Variants in NAA11 observed in about 807,000 individuals in gnomAD.
NAA11 encodes N-alpha-acetyltransferase 11.
NAA11 carries 15 observed loss-of-function variants against 16.1 expected under a neutral mutation model. That is an observed-to-expected ratio of 0.93 (90% confidence interval 0.62 to 1.44). The LOEUF (loss-of-function observed/expected upper bound fraction) is 1.44, where lower values mean the gene tolerates loss of function less well. Ranked by LOEUF, NAA11 falls within the 40% of genes most tolerant of loss-of-function variation. The probability of loss-of-function intolerance (pLI) is 0.00; values close to 1 mark genes in which losing one functional copy is unlikely to be tolerated. For missense variants in NAA11, 298 were observed against 291.3 expected (o/e 1.02, Z -0.17); for synonymous variants, 122 against 112.4 (o/e 1.09, Z -0.54).
chr4:79,272,085 T>A (rs1030224060), intron 2 of NAA11, among the ~76,000 whole-genome samples: 2 of 151,694 alleles, frequency 1.3e-5, no homozygotes, highest in African/African-American at 4.8e-5. Context: ...CACACACATA[T>A]ATTATATGTG....
intron 1 of NAA11, among the ~76,000 whole-genome samples, chr4:79,305,913 TA>T (rs1252549267): frequency 1.3e-5 from 2 of 152,218 alleles, no homozygotes; most frequent in East Asian, 3.8e-4. Context: ...CTATCCTACT[TA>T]CATGTCTACT....
chr4:79,240,929 C>T (rs376946088), intron 2 of NAA11, among the ~76,000 whole-genome samples: 7 of 152,098 alleles, frequency 4.6e-5, no homozygotes, highest in Non-Finnish European at 8.8e-5. Context: ...TCAGACACTT[C>T]GGGAATGAAC....
chr4:79,200,813 T>C, the NAA11 span, among the ~76,000 whole-genome samples: 1 of 151,804 alleles, frequency 6.6e-6, no homozygotes. Context: ...GGGCTTTTCA[T>C]TGATGTAGAT....
the NAA11 span, among the ~76,000 whole-genome samples, chr4:79,178,791 A>G: frequency 1.3e-5 from 2 of 152,180 alleles, no homozygotes; most frequent in Non-Finnish European, 2.9e-5. Context: ...ATATACAGGA[A>G]GATCATGAAA....
At chr4:79,192,113 T>C in the NAA11 span, among the ~76,000 whole-genome samples, 1 of 152,196 alleles carries the variant, frequency 6.6e-6, no homozygotes. Context: ...AGTTGAGTAA[T>C]GTGATGCCTC....
At chr4:79,156,792 G>A in the NAA11 span, among the ~76,000 whole-genome samples, 2 of 152,330 alleles carry the variant, frequency 1.3e-5, no homozygotes, top group East Asian at 3.9e-4. Flanking sequence ...TGAGCTTCTG[G>A]TAATTGAGCT....
the NAA11 span, among the ~76,000 whole-genome samples, chr4:79,177,419 A>G: frequency 3.3e-5 from 5 of 151,188 alleles, no homozygotes; most frequent in Non-Finnish European, 5.9e-5. Flanking sequence ...AAAAAAAACC[A>G]TAAACATGGA....
At chr4:79,180,638 T>G in the NAA11 span, among the ~76,000 whole-genome samples, 1 of 152,226 alleles carries the variant, frequency 6.6e-6, no homozygotes, top group Non-Finnish European at 1.5e-5. Flanking sequence ...GGTGGGACTG[T>G]AAACTAGTTC....
At chr4:79,183,684 G>T in the NAA11 span, among the ~76,000 whole-genome samples, 4 of 151,092 alleles carry the variant, frequency 2.6e-5, no homozygotes, top group Non-Finnish European at 5.9e-5. Context: ...CTTTTATTCT[G>T]CCTGTCATCT....
chr4:79,167,272 G>T, the NAA11 span, among the ~76,000 whole-genome samples: 21,827 of 100,534 alleles, frequency 0.22, 2,277 homozygotes, highest in African/African-American at 0.39. Context: ...TATATATATA[G>T]AGAGAGAGAG....
chr4:79,238,600 G>A (rs1371930801), intron 2 of NAA11, among the ~76,000 whole-genome samples: 1 of 152,134 alleles, frequency 6.6e-6, no homozygotes, highest in Admixed American at 6.5e-5. Context: ...TGTTAATAAT[G>A]CTTTCTTGGG....
In NAA11 at chr4:79,300,530, G is replaced by T. The variant is rs927735207; in HGVS notation, c.*13-6416C>A. 8.5e-5 allele frequency among the ~76,000 whole-genome samples: 13 copies of T among 152,096 alleles called. No individual in the cohort carries two copies. In the South Asian group the frequency reaches 2.7e-3, roughly 32 times the overall value. Reference sequence around the variant, plus strand: ...TTGATAAATGTCCACCATATGTTTGGAATTTTGCTAAGAACTATACAGGGC... The same window carrying T: ...TTGATAAATGTCCACCATATGTTTGTAATTTTGCTAAGAACTATACAGGGC... On this transcript the variant is annotated intron_variant and NMD_transcript_variant, in intron 1 of 2. Transcript: ENST00000511542.
At position 79,247,012 on chromosome 4, in the gene NAA11, T is replaced by C. The variant is rs534262679; in HGVS notation, c.*123-20742A>G. On this transcript the variant is annotated intron_variant and NMD_transcript_variant, in intron 2 of 2. Transcript: ENST00000511542. ...CAAGGGCTGGAGGAAGCTGGAGTTG[T>C]AAGTCAAGTCAGGAATGTGAGTGAG... Among the ~76,000 whole-genome samples, 5 of 152,270 alleles carry C rather than the reference T, an allele frequency of 3.3e-5. 1 individual carries two copies. The South Asian group carries it at 8.3e-4, about 25-fold the overall frequency.
intron 2 of NAA11, chr4:79,227,563 G>A (rs929460169): frequency 2.0e-5 from 3 of 151,950 alleles, no homozygotes; most frequent in Admixed American, 6.6e-5. Context: ...CCAAGGAGAA[G>A]AGGATGTTGC....
intron 2 of NAA11, among the ~76,000 whole-genome samples, chr4:79,265,513 C>T (rs1172014997): frequency 6.6e-6 from 1 of 152,178 alleles, no homozygotes; most frequent in East Asian, 1.9e-4. Flanking sequence ...ATTGCACTTT[C>T]TTTAGCTTAC....
the NAA11 span, among the ~76,000 whole-genome samples, chr4:79,204,033 G>T: frequency 6.6e-6 from 1 of 151,850 alleles, no homozygotes; most frequent in Non-Finnish European, 1.5e-5. Context: ...CAAGAAACTT[G>T]CAGTCTCAAG....
At chr4:79,230,038 A>C (rs1035216752) in intron 2 of NAA11, among the ~76,000 whole-genome samples, 1 of 152,052 alleles carries the variant, frequency 6.6e-6, no homozygotes, top group East Asian at 1.9e-4. Flanking sequence ...AATTTCATCT[A>C]TGTCCCTACA....
At chr4:79,244,609 A>T (rs899057998) in intron 2 of NAA11, 1 of 85,328 alleles carries the variant, frequency 1.2e-5, no homozygotes, top group Non-Finnish European at 2.7e-5. Flanking sequence ...TTTGAGTCTC[A>T]CTCTCCCTCT....
chr4:79,324,021 T>C (rs902577418), intron 1 of NAA11, among the ~76,000 whole-genome samples: 3 of 143,798 alleles, frequency 2.1e-5, no homozygotes, highest in African/African-American at 7.7e-5. Context: ...AAAAAAAAAG[T>C]ACAGTAATTG....
Sources: gnomAD v4.1 joint callset for allele counts (sites outside exome capture counted in the v4.1 genomes callset) on GRCh38, gnomAD v4.1.1 for gene constraint, MANE v1.5 for transcripts, NCBI Gene and HGNC (gene_info 2026-07-23, HGNC 2026-07-21) for gene names.